Variants in CPNE9 observed in about 807,000 individuals in gnomAD.
CPNE9 encodes the protein copine family member 9, also known as copine-9.
CPNE9 carries 59 observed loss-of-function variants against 83.0 expected under a neutral mutation model. That is an observed-to-expected ratio of 0.71 (90% CI 0.58 to 0.88). The LOEUF is 0.88. Among genes scored for constraint, CPNE9 ranks in the 40% least tolerant of loss-of-function variants. The pLI is 0.00. For synonymous variants in CPNE9, 256 were observed against 273.4 expected (o/e 0.94, Z 0.63); for missense variants, 619 against 720.8 (o/e 0.86, Z 1.62).
intron 17 of CPNE9, among the ~76,000 whole-genome samples, chr3:9,724,108 A>G (rs1381117439): frequency 6.6e-6 from 1 of 151,632 alleles, no homozygotes; most frequent in African/African-American, 2.4e-5. Flanking sequence ...CCACAGCTCC[A>G]TCCTTTCCAG....
At chr3:9,725,631 T>TAC (rs1491445220) in intron 17 of CPNE9, among the ~76,000 whole-genome samples, 44 of 137,214 alleles carry the variant, frequency 3.2e-4, no homozygotes, top group African/African-American at 1.3e-3. Context: ...TATATATATG[T>TAC]ATATACATGT....
chr3:9,718,212 T>C lies in CPNE9; in HGVS notation c.1113+2T>C. On this transcript the variant is annotated splice_donor_variant, in intron 16 of 20. Transcript: ENST00000383832. LOFTEE classifies it high-confidence loss of function. ...CGGATCTCCCACCAGTTCCCCCTGG[T>C]ATGGTATTGGCCAGAGCTTACCCTC... is the stretch of plus-strand genomic sequence containing the variant. 1 of 1,608,936 alleles carries C rather than the reference T, an allele frequency of 6.2e-7. No individual in the cohort carries two copies. The highest frequency in any genetic ancestry group is 2.2e-5 in the East Asian group (1 of 44,848).
chr3:9,715,607 G>T (rs2076675686), intron 13 of CPNE9, 81 bp downstream of exon 13: 2 of 1,220,212 alleles, frequency 1.6e-6, no homozygotes, highest in East Asian at 4.6e-5. Context: ...AATATCGAGG[G>T]CAGGGCAAGA....
In CPNE9 at chr3:9,718,513, G is replaced by C; in HGVS notation, c.1152G>C (p.Glu384Asp). Reference protein sequence around the residue: ...NDEDPNCAGIEGVLESYFQSL... With the variant: ...NDEDPNCAGIDGVLESYFQSL... ...AGGACCCCAACTGTGCGGGCATCGA[G>C]GGTGTGCTGGAGAGCTATTTCCAGA... is the stretch of plus-strand genomic sequence containing the variant. The change falls in exon 17 of 21, where the codon GAG becomes GAC. Residue 384 changes from glutamate (E) to aspartate (D), a missense_variant. Coordinates refer to ENST00000383832, the MANE Select transcript of CPNE9 (RefSeq NM_153635.3). 1 of 1,613,634 alleles carries C rather than the reference G, an allele frequency of 6.2e-7. No individual in the cohort carries two copies. The highest frequency in any genetic ancestry group is 8.5e-7 in the Non-Finnish European group (1 of 1,179,976).
In CPNE9 at chr3:9,729,552, T is replaced by C; in HGVS notation, c.1522T>C (p.Leu508=). 1.2e-6 allele frequency: 2 copies of C among 1,614,120 alleles called. No individual in the cohort carries two copies. Among genetic ancestry groups the C allele is most frequent in the Non-Finnish European group, 1.7e-6 (2 of 1,179,990 alleles). ...TGTTGACCGGTCGGGGAACCAGGTG[T>C]TGAGCATGGCCCGACTGGCCAAGGA... is the stretch of plus-strand genomic sequence containing the variant. ...DYVDRSGNQV[L]SMARLAKDVL... Residue 508 remains leucine (L), a synonymous_variant, in exon 21 of 21, where the codon TTG becomes CTG. Coordinates refer to ENST00000383832, the MANE Select transcript of CPNE9 (RefSeq NM_153635.3).
intron 11 of CPNE9, 46 bp from the exon 12 acceptor site, chr3:9,715,243 C>A (rs1220204782): frequency 1.3e-6 from 2 of 1,592,492 alleles, no homozygotes; most frequent in African/African-American, 1.3e-5. Flanking sequence ...AGCTCTGGTT[C>A]CAAACCAGCA....
intron 7 of CPNE9, among the ~76,000 whole-genome samples, chr3:9,707,196 A>G (rs550690564): frequency 6.7e-4 from 102 of 151,940 alleles, no homozygotes; most frequent in Non-Finnish European, 1.2e-3. Context: ...TACTAAAAAT[A>G]CAAAAACTTA....
Position 9,725,696 on chromosome 3 carries a change from G to GTATATATA in CPNE9, c.1242-252_1242-251insATATATAT, listed in dbSNP as rs60048481. On this transcript the variant is annotated intron_variant, in intron 17 of 20. Coordinates refer to ENST00000383832, the MANE Select transcript of CPNE9 (RefSeq NM_153635.3). Reference sequence around the variant, plus strand: ...TATGTGTATATATATATACATATATGTGTATATATGTGTATATATGTGTAT... The same window carrying GTATATATA: ...TATGTGTATATATATATACATATATGTATATATATGTATATATGTGTATATATGTGTAT... Among the ~76,000 whole-genome samples the GTATATATA allele has an allele frequency of 5.3e-5, 7 of 132,388 alleles. No individual in the cohort carries two copies. The East Asian group carries it at 1.2e-3, about 22-fold the overall frequency. 86.9% of individuals were successfully genotyped at this position (132,388 alleles called of 152,430 possible).
intron 17 of CPNE9, among the ~76,000 whole-genome samples, chr3:9,722,614 G>A (rs980695506): frequency 2.0e-5 from 3 of 151,882 alleles, no homozygotes; most frequent in East Asian, 1.9e-4. Flanking sequence ...GGGCTCAAGC[G>A]ATCCTCCCTC....
Position 9,717,089 on chromosome 3 carries a change from T to G in CPNE9, c.916T>G (p.Phe306Val). Residue 306 changes from phenylalanine (F) to valine (V), a missense_variant, in exon 15 of 21, where the codon TTC (phenylalanine) becomes GTC (valine). Around this residue, in one of 3 missense-constraint regions of CPNE9, gnomAD observed 438 missense variants for 562.9 expected, o/e 0.78. Transcript: ENST00000383832. ...GCTGAACTTCACAGTAGCCATTGAC[T>G]TCACGGCTTCCAATGGTGAGACACG... ...TQLNFTVAID[F>V]TASNGNPLQP... 1 of 1,614,222 alleles carries G rather than the reference T, an allele frequency of 6.2e-7. No individual in the cohort carries two copies. The highest frequency in any genetic ancestry group is 8.5e-7 in the Non-Finnish European group (1 of 1,180,032).
intron 7 of CPNE9, among the ~76,000 whole-genome samples, chr3:9,708,475 GGA>G (rs1480715779): frequency 6.6e-6 from 1 of 152,226 alleles, no homozygotes; most frequent in Non-Finnish European, 1.5e-5. Context: ...TTATCAAGAA[GGA>G]GAGAGTTACC....
chr3:9,705,419 T>TACG, intron 4 of CPNE9, 45 bp from the exon 5 acceptor site: 1 of 662,642 alleles, frequency 1.5e-6, no homozygotes, highest in Non-Finnish European at 2.7e-6. Flanking sequence ...TTCCACCCTC[T>TACG]CCCCCACCCA....
chr3:9,713,256 T>C (rs370603220), intron 10 of CPNE9, among the ~76,000 whole-genome samples, 177 bp downstream of exon 10: 4 of 152,102 alleles, frequency 2.6e-5, no homozygotes, highest in Non-Finnish European at 4.4e-5. Context: ...CACAGATGGA[T>C]AGGTGGACTA....
intron 20 of CPNE9, among the ~76,000 whole-genome samples, chr3:9,728,392 G>A (rs544090467): frequency 7.9e-5 from 12 of 152,338 alleles, no homozygotes; most frequent in African/African-American, 2.9e-4. Context: ...GGGAGGCTGA[G>A]GCGGGCGGAT....
chr3:9,725,695 T>C (rs887553454), intron 17 of CPNE9, among the ~76,000 whole-genome samples: 1 of 137,922 alleles, frequency 7.3e-6, no homozygotes, highest in African/African-American at 2.7e-5. Context: ...TATACATATA[T>C]GTGTATATAT....
In CPNE9 at chr3:9,704,403, T is replaced by C. The variant is rs530993599; in HGVS notation, c.69-184T>C. On this transcript the variant is annotated intron_variant, in intron 1 of 20. Transcript: ENST00000383832. The surrounding 1 kb of genome is among the most constrained non-coding windows in gnomAD (Gnocchi z 7.1). ...TCGCGTCCAGTCCGCAGAGCCATGG[T>C]TCCTGGACAGCGATTTCCGGTGCTG... Among the ~76,000 whole-genome samples, 1 of 152,250 alleles carries C rather than the reference T, an allele frequency of 6.6e-6. No individual in the cohort carries two copies. The highest frequency in any genetic ancestry group is 6.5e-5 in the Admixed American group (1 of 15,308).
Position 9,705,975 on chromosome 3 carries a change from T to C in CPNE9, c.301-12T>C. On this transcript the variant is annotated splice_polypyrimidine_tract_variant and intron_variant, in intron 6 of 20. Coordinates refer to ENST00000383832, the MANE Select transcript of CPNE9 (RefSeq NM_153635.3). ...AGAGCTTCTGGTCTTGCTGACTCCT[T>C]GTCCTGCATAGGATTTCCTGGGACA... The C allele has an allele frequency of 6.2e-7, 1 of 1,612,874 alleles. No individual in the cohort carries two copies. The highest frequency in any genetic ancestry group is 8.5e-7 in the Non-Finnish European group (1 of 1,179,880).
intron 17 of CPNE9, among the ~76,000 whole-genome samples, chr3:9,723,890 A>G (rs1257005943): frequency 6.6e-6 from 1 of 152,054 alleles, no homozygotes; most frequent in Non-Finnish European, 1.5e-5. Flanking sequence ...CTTTCCTCAC[A>G]TTTTGAGATC....
rs2076532041 is a variant in CPNE9 at position 9,704,005 on chromosome 3, C to T, written c.9C>T (p.Leu3=). Residue 3 remains leucine, a synonymous_variant, in exon 1 of 21, where the codon CTC becomes CTT. Coordinates refer to ENST00000383832, the MANE Select transcript of CPNE9 (RefSeq NM_153635.3). The surrounding 1 kb of genome is among the most constrained non-coding windows in gnomAD (Gnocchi z 7.1). MS[L]GGASERSVPA... Reference sequence around the variant, plus strand: ...TGGTCGCCCGACCAGCCATGTCTCTCGGCGGAGCCTCCGAGCGCAGCGTCC... The same window carrying T: ...TGGTCGCCCGACCAGCCATGTCTCTTGGCGGAGCCTCCGAGCGCAGCGTCC... 6.2e-7 allele frequency: 1 copy of T among 1,606,160 alleles called. No homozygotes were observed. Among genetic ancestry groups the T allele is most frequent in the East Asian group, 2.2e-5 (1 of 44,670 alleles).
Sources: allele counts gnomAD v4.1 joint callset (sites outside exome capture counted in the v4.1 genomes callset), GRCh38; gene constraint gnomAD v4.1.1; regional missense constraint gnomAD v4.1.1; non-coding constraint Gnocchi (gnomAD v3.1); transcripts MANE v1.5; gene names NCBI Gene and HGNC (gene_info 2026-07-23, HGNC 2026-07-21).